The following PRELID2 variants were observed in gnomAD, a reference collection of about 807,000 sequenced individuals.
PRELID2 encodes PRELI domain containing 2.
In PRELID2, 25 loss-of-function variants were observed where a neutral mutation model predicts 28.4. That is an observed-to-expected ratio of 0.88 (90% CI 0.64 to 1.23). The LOEUF is 1.23. Among genes scored for constraint, PRELID2 ranks in the 50% most tolerant of loss-of-function variants. The pLI, the probability that PRELID2 is intolerant of heterozygous loss-of-function variation, is 0.00. For missense variants in PRELID2, 201 were observed against 214.4 expected (o/e 0.94, Z 0.39); for synonymous variants, 76 against 71.6 (o/e 1.06, Z -0.31).
chr5:145,243,164 C>T, the PRELID2 span, among the ~76,000 whole-genome samples: 1 of 151,954 alleles, frequency 6.6e-6, no homozygotes, highest in African/African-American at 2.4e-5. Flanking sequence ...ACATTTCAAC[C>T]TGTTTCACTG....
At chr5:145,384,297 CG>C in the PRELID2 span, among the ~76,000 whole-genome samples, 1,173 of 152,154 alleles carry the variant, frequency 7.7e-3, 15 homozygotes, top group African/African-American at 0.027. Flanking sequence ...CCATAAAAAT[CG>C]TTTCACAATA....
the PRELID2 span, among the ~76,000 whole-genome samples, chr5:145,280,431 C>CG: frequency 6.6e-6 from 1 of 152,014 alleles, no homozygotes; most frequent in African/African-American, 2.4e-5. Context: ...GTATGGCGTG[C>CG]ATTAACTGAA....
At chr5:145,800,477 T>C (rs1753063657) in intron 4 of PRELID2, among the ~76,000 whole-genome samples, 1 of 152,112 alleles carries the variant, frequency 6.6e-6, no homozygotes, top group Non-Finnish European at 1.5e-5. Context: ...TCTGGATTAG[T>C]CAGAATAGAA....
At chr5:145,722,309 AT>A (rs1756012457) in intron 1 of PRELID2, among the ~76,000 whole-genome samples, 1 of 151,944 alleles carries the variant, frequency 6.6e-6, no homozygotes, top group South Asian at 2.1e-4. Flanking sequence ...ATAATTTGGG[AT>A]TTTTTCTGAG....
chr5:145,425,206 G>C, the PRELID2 span, among the ~76,000 whole-genome samples: 1 of 152,132 alleles, frequency 6.6e-6, no homozygotes, highest in Non-Finnish European at 1.5e-5. Flanking sequence ...ACCACAAAGA[G>C]ATACCATCTC....
At chr5:145,685,164 C>G (rs1331285991) in intron 1 of PRELID2, among the ~76,000 whole-genome samples, 2 of 152,100 alleles carry the variant, frequency 1.3e-5, no homozygotes, top group African/African-American at 4.8e-5. Flanking sequence ...CCTTTTATTC[C>G]ACTGCAGTCA....
chr5:145,316,215 A>C, the PRELID2 span, among the ~76,000 whole-genome samples: 2 of 152,218 alleles, frequency 1.3e-5, no homozygotes, highest in Non-Finnish European at 2.9e-5. Context: ...AATGAAGTGA[A>C]GAAAACATTA....
chr5:145,711,637 T>C (rs1325502026), intron 1 of PRELID2, among the ~76,000 whole-genome samples: 1 of 151,534 alleles, frequency 6.6e-6, no homozygotes, highest in African/African-American at 2.4e-5. Context: ...AGTTTGCAGG[T>C]GTGTAGTGTC....
chr5:145,418,893 C>T, the PRELID2 span, among the ~76,000 whole-genome samples: 1 of 145,986 alleles, frequency 6.8e-6, no homozygotes, highest in Admixed American at 7.0e-5. Context: ...CCCCACCCCA[C>T]AACAGTCCCC....
the PRELID2 span, among the ~76,000 whole-genome samples, chr5:145,354,015 A>C: frequency 6.6e-6 from 1 of 152,324 alleles, no homozygotes; most frequent in Non-Finnish European, 1.5e-5. Flanking sequence ...GACACTCAGA[A>C]GTTCAAGTCC....
chr5:145,535,223 A>G (rs1472641732), intron 1 of PRELID2, among the ~76,000 whole-genome samples: 1 of 151,936 alleles, frequency 6.6e-6, no homozygotes, highest in Non-Finnish European at 1.5e-5. Context: ...GCACTGTTTC[A>G]TCTTTTTCAT....
chr5:145,390,423 C>T, the PRELID2 span, among the ~76,000 whole-genome samples: 1 of 152,312 alleles, frequency 6.6e-6, no homozygotes, highest in African/African-American at 2.4e-5. Context: ...ACATACCTCT[C>T]TTCACAAGCT....
intron 1 of PRELID2, among the ~76,000 whole-genome samples, chr5:145,507,661 G>A (rs577469596): frequency 1.6e-4 from 25 of 152,202 alleles, no homozygotes; most frequent in African/African-American, 6.0e-4. Flanking sequence ...AGTGCTGAGG[G>A]ACTTTTGGTG....
At chr5:145,730,304 T>C (rs893201053) in intron 1 of PRELID2, among the ~76,000 whole-genome samples, 1 of 152,152 alleles carries the variant, frequency 6.6e-6, no homozygotes, top group Non-Finnish European at 1.5e-5. Context: ...GTAATTCTCA[T>C]AGCCATGCCC....
intron 1 of PRELID2, among the ~76,000 whole-genome samples, chr5:145,591,517 G>GT (rs1753226204): frequency 6.6e-6 from 1 of 152,162 alleles, no homozygotes; most frequent in Non-Finnish European, 1.5e-5. Flanking sequence ...AACAATCTAT[G>GT]TAATTTTGAA....
chr5:145,711,766 G>T (rs1158314699), intron 1 of PRELID2, among the ~76,000 whole-genome samples: 1 of 152,092 alleles, frequency 6.6e-6, no homozygotes, highest in African/African-American at 2.4e-5. Context: ...AGGACTGAGA[G>T]AAATTGCTCA....
the PRELID2 span, among the ~76,000 whole-genome samples, chr5:145,287,418 A>G: frequency 1.3e-5 from 2 of 152,294 alleles, no homozygotes; most frequent in Middle Eastern, 3.4e-3. Flanking sequence ...TCTGATAACC[A>G]AGGTAGCTAC....
the PRELID2 span, among the ~76,000 whole-genome samples, chr5:145,419,277 C>T: frequency 0.34 from 41,476 of 121,946 alleles, 6,637 homozygotes; most frequent in Admixed American, 0.39. Context: ...ATGGTATTTC[C>T]AGTTCTAGAT....
At chr5:145,790,697 C>T (rs1194047858) in intron 5 of PRELID2, among the ~76,000 whole-genome samples, 4 of 44,602 alleles carry the variant, frequency 9.0e-5, no homozygotes, top group African/African-American at 1.1e-4. Flanking sequence ...TTAATAATTC[C>T]ACATTGTGTG....
Sources: allele counts gnomAD v4.1 joint callset (sites outside exome capture counted in the v4.1 genomes callset), GRCh38; gene constraint gnomAD v4.1.1; transcripts MANE v1.5; gene names NCBI Gene and HGNC (gene_info 2026-07-23, HGNC 2026-07-21).